TMEM39A: variants seen among roughly 807,000 people sequenced by gnomAD.
The protein encoded by TMEM39A is transmembrane protein 39A.
TMEM39A carries 19 observed loss-of-function variants against 51.9 expected under a neutral mutation model. That is an observed-to-expected ratio of 0.37 (90% CI 0.26 to 0.54). The LOEUF (loss-of-function observed/expected upper bound fraction) is 0.54, where lower values mean the gene tolerates loss of function less well. Ranked by LOEUF, TMEM39A falls within the 20% of genes least tolerant of loss-of-function variation. TMEM39A has a pLI of 0.88. For synonymous variants in TMEM39A, 197 were observed against 220.2 expected, an observed-to-expected ratio of 0.89 and a Z score of 0.93; for missense variants, 433 against 590.5, an observed-to-expected ratio of 0.73 and a Z score of 2.76.
chr3:119,440,144 GCTGCCAAAACA>G (rs72352815), intron 5 of TMEM39A, among the ~76,000 whole-genome samples: 21,996 of 152,106 alleles, frequency 0.14, 1,990 homozygotes, highest in Admixed American at 0.2. Flanking sequence ...GAAGTTCAAT[GCTGCCAAAACA>G]CAAGCTGCAT....
intron 5 of TMEM39A, among the ~76,000 whole-genome samples, chr3:119,440,887 G>A (rs745477070): frequency 1.3e-5 from 2 of 152,104 alleles, no homozygotes; most frequent in Non-Finnish European, 2.9e-5. Context: ...ATCTGGGGGT[G>A]CCATTTTCCA....
chr3:119,451,371 A>G (rs2178318), intron 4 of TMEM39A: 426,997 of 1,033,696 alleles, frequency 0.41, 90,552 homozygotes, highest in East Asian at 0.63. Context: ...TTGTGATTAT[A>G]GTAACTATTC....
chr3:119,451,396 A>C, intron 4 of TMEM39A: 1 of 849,116 alleles, frequency 1.2e-6, no homozygotes, highest in African/African-American at 1.8e-5. Flanking sequence ...AAAATTTCAC[A>C]CTGAATTATA....
rs573635446 is a variant in TMEM39A at position 119,453,561 on chromosome 3, T to C, written c.337-1031A>G. On this transcript the variant is annotated intron_variant, in intron 3 of 8. Coordinates refer to ENST00000319172, the MANE Select transcript of TMEM39A (RefSeq NM_018266.3). The stretch of plus-strand genomic sequence containing the variant: ...AGTAATACGCACAACTTCTAAGCCA[T>C]ACTCTTCTAGAAAGAGCTGTCCCCT... 2.0e-5 allele frequency among the ~76,000 whole-genome samples: 3 copies of C among 152,372 alleles called. No individual in the cohort carries two copies. In the South Asian group the frequency reaches 6.2e-4, roughly 32 times the overall value.
At chr3:119,442,412 T>C (rs2081066877) in intron 5 of TMEM39A, among the ~76,000 whole-genome samples, 2 of 152,040 alleles carry the variant, frequency 1.3e-5, no homozygotes, top group Admixed American at 6.5e-5. Flanking sequence ...CTGATGGAGA[T>C]TGTTGTTTTT....
chr3:119,440,356 TC>T (rs2081034525), intron 5 of TMEM39A, among the ~76,000 whole-genome samples: 1 of 152,302 alleles, frequency 6.6e-6, no homozygotes, highest in African/African-American at 2.4e-5. Context: ...AGAAAATAAT[TC>T]ATTAAAGGAT....
chr3:119,448,485 C>A lies in TMEM39A; in HGVS notation c.421-1313G>T, dbSNP rs559601409. Among the ~76,000 whole-genome samples the A allele has an allele frequency of 3.3e-5, 5 of 152,260 alleles. No individual in the cohort carries two copies. The South Asian group carries it at 1.0e-3, about 32-fold the overall frequency. ...AGATCATATTATGGAGTACCTATAA[C>A]ATATACGCAATATACTGTATACTGA... On this transcript the variant is annotated intron_variant, in intron 4 of 8. Transcript: ENST00000319172.
At chr3:119,437,111 C>T (rs1409930364) in intron 6 of TMEM39A, 133 bp from the exon 7 acceptor site, 6 of 743,156 alleles carry the variant, frequency 8.1e-6, no homozygotes, top group Non-Finnish European at 1.2e-5. Context: ...GCTGTCCGTG[C>T]AGAAAAGTTC....
chr3:119,435,765 G>C, intron 7 of TMEM39A: 1 of 1,109,044 alleles, frequency 9.0e-7, no homozygotes. Flanking sequence ...CAGCATTAAA[G>C]TGATGATACA....
At position 119,430,162 on chromosome 3, in the gene TMEM39A, G is replaced by A. The variant is rs1270007591; in HGVS notation, c.*1819C>T. 1 of 152,004 alleles carries A rather than the reference G, an allele frequency of 6.6e-6. No individual in the cohort carries two copies. The highest frequency in any genetic ancestry group is 1.9e-4 in the East Asian group (1 of 5,184). 9.4% of individuals were successfully genotyped at this position (152,004 alleles called of 1,614,324 possible). The stretch of plus-strand genomic sequence containing the variant: ...TATTTAGGCTGAACTACTTTAAAAA[G>A]CAACTAACCTAATATATTTTCTTGC... On this transcript the variant is annotated 3_prime_UTR_variant, in exon 9 of 9. Transcript: ENST00000319172.
rs2081368110 is a variant in TMEM39A, at chr3:119,463,559, T to C, written c.-298A>G. ...GCAGTTCCAGTGCCAGAGCTAAAGC[T>C]AGAGCCAGAGCCTGATACTTCAGCA... is the stretch of plus-strand genomic sequence containing the variant. On this transcript the variant is annotated 5_prime_UTR_variant, in exon 1 of 9. Transcript: ENST00000319172. The C allele has an allele frequency of 5.0e-6, 2 of 398,718 alleles. No individual in the cohort carries two copies. Among genetic ancestry groups the C allele is most frequent in the African/African-American group, 2.1e-5 (1 of 48,648 alleles). The allele number at this position is 398,718 out of a possible 1,614,324, so 24.7% of individuals were successfully genotyped here.
intron 5 of TMEM39A, among the ~76,000 whole-genome samples, chr3:119,443,087 A>G (rs11709523): frequency 7.5e-6 from 1 of 133,538 alleles, no homozygotes; most frequent in African/African-American, 2.8e-5. Context: ...AAAAAAAAAA[A>G]GTGAAGCCTG....
chr3:119,437,028 G>C, intron 6 of TMEM39A, 50 bp from the exon 7 acceptor site: 2 of 1,546,546 alleles, frequency 1.3e-6, no homozygotes, highest in Non-Finnish European at 1.8e-6. Context: ...GGTAAAAAGA[G>C]GCAGGGATGG....
intron 4 of TMEM39A, among the ~76,000 whole-genome samples, chr3:119,449,610 A>G (rs2081172644): frequency 6.6e-6 from 1 of 152,182 alleles, no homozygotes; most frequent in Non-Finnish European, 1.5e-5. Flanking sequence ...CGACAAGAGC[A>G]AAACTCTGTC....
At chr3:119,436,201 G>A (rs778198078) in intron 7 of TMEM39A, among the ~76,000 whole-genome samples, 30 of 152,078 alleles carry the variant, frequency 2.0e-4, no homozygotes, top group Non-Finnish European at 3.7e-4. Flanking sequence ...ACTGATAAGG[G>A]GGACACAATG....
intron 3 of TMEM39A, among the ~76,000 whole-genome samples, chr3:119,456,209 CTTCT>C (rs2081261290): frequency 6.6e-6 from 1 of 152,246 alleles, no homozygotes; most frequent in South Asian, 2.1e-4. Context: ...TCCAATCCAA[CTTCT>C]TTCTTTTAAA....
chr3:119,462,804 G>A (rs1165799964), intron 1 of TMEM39A, among the ~76,000 whole-genome samples: 1 of 151,556 alleles, frequency 6.6e-6, no homozygotes, highest in African/African-American at 2.4e-5. Flanking sequence ...TCAAGGGGAT[G>A]CCCGCTCCAG....
chr3:119,444,024 T>C (rs1281498334), intron 5 of TMEM39A, among the ~76,000 whole-genome samples: 1 of 152,252 alleles, frequency 6.6e-6, no homozygotes, highest in Non-Finnish European at 1.5e-5. Flanking sequence ...ATTCGCTTTA[T>C]TGCAGCAGTC....
chr3:119,437,491 C>T lies in TMEM39A; in HGVS notation c.924+264G>A, dbSNP rs954606080. On this transcript the variant is annotated intron_variant, in intron 6 of 8. Transcript: ENST00000319172. The stretch of plus-strand genomic sequence containing the variant: ...CTACATACTGATTCTATTATAAGTA[C>T]ATTTTGATTCTCCCCAGAAACTAAA... Among the ~76,000 whole-genome samples the T allele has an allele frequency of 5.0e-5, 7 of 139,964 alleles. No homozygotes were observed. The Admixed American group carries it at 5.1e-4, about 10-fold the overall frequency. The allele number at this position is 139,964 out of a possible 152,430, so 91.8% of individuals were successfully genotyped here. A position where few individuals can be genotyped will look rare whatever the true frequency, so the allele number is the denominator to read the frequency against.
Sources: allele counts gnomAD v4.1 joint callset (sites outside exome capture counted in the v4.1 genomes callset), GRCh38; gene constraint gnomAD v4.1.1; transcripts MANE v1.5; gene names NCBI Gene and HGNC (gene_info 2026-07-23, HGNC 2026-07-21).